FAM117B: variants seen among roughly 807,000 people sequenced by gnomAD.
FAM117B encodes the protein family with sequence similarity 117 member B, also known as protein FAM117B.
A neutral mutation model predicts 52.8 loss-of-function variants in FAM117B; 22 were observed. That is an observed-to-expected ratio of 0.42 (90% CI 0.30 to 0.59). FAM117B has a LOEUF of 0.59. Ranked by LOEUF, FAM117B falls within the 20% of genes least tolerant of loss-of-function variation. The pLI, the probability that FAM117B is intolerant of heterozygous loss-of-function variation, is 0.22. For missense variants in FAM117B, 678 were observed against 802.6 expected, an observed-to-expected ratio of 0.84 and a Z score of 1.88; for synonymous variants, 309 against 324.1, an observed-to-expected ratio of 0.95 and a Z score of 0.50.
At chr2:202,708,716 C>T (rs1383314774) in intron 2 of FAM117B, among the ~76,000 whole-genome samples, 1 of 152,194 alleles carries the variant, frequency 6.6e-6, no homozygotes, top group Admixed American at 6.5e-5. Context: ...AGTGATCCTC[C>T]TGCCTCAGCC....
In FAM117B at chr2:202,757,537, C is replaced by T. The variant is rs1352194355; in HGVS notation, c.1330+99C>T. On this transcript the variant is annotated intron_variant, in intron 6 of 7. Transcript: ENST00000392238. ...TCTAGCAGAACACACACACTCGAGGCTACTCAGTTAATGTGTTCAAAGCCT... is the reference window on the plus strand; with the variant it reads ...TCTAGCAGAACACACACACTCGAGGTTACTCAGTTAATGTGTTCAAAGCCT... The T allele has an allele frequency of 2.4e-6, 3 of 1,252,056 alleles. No individual in the cohort carries two copies. The South Asian group carries it at 4.3e-5, about 18-fold the overall frequency. 77.6% of individuals were successfully genotyped at this position (1,252,056 alleles called of 1,614,324 possible).
chr2:202,647,399 AAC>A (rs1287040200), intron 1 of FAM117B, among the ~76,000 whole-genome samples: 2 of 152,206 alleles, frequency 1.3e-5, no homozygotes, highest in African/African-American at 4.8e-5. Flanking sequence ...AACTGAAAAA[AAC>A]AGTTTATTTA....
At chr2:202,659,678 G>A (rs1327364841) in intron 1 of FAM117B, among the ~76,000 whole-genome samples, 1 of 140,148 alleles carries the variant, frequency 7.1e-6, no homozygotes, top group South Asian at 2.3e-4. Context: ...GCAATGGTGC[G>A]ATCTTGGCTC....
chr2:202,642,365 A>AT (rs1559092461), intron 1 of FAM117B, among the ~76,000 whole-genome samples: 1 of 148,544 alleles, frequency 6.7e-6, no homozygotes, highest in Non-Finnish European at 1.5e-5. Context: ...ATATATATAT[A>AT]AAATGAGTAG....
chr2:202,676,375 G>GT (rs71030983), intron 1 of FAM117B, among the ~76,000 whole-genome samples: 151 of 130,968 alleles, frequency 1.2e-3, no homozygotes, highest in South Asian at 8.9e-3. Flanking sequence ...AATATTCCTT[G>GT]TTTTTTTTTT....
intron 2 of FAM117B, among the ~76,000 whole-genome samples, chr2:202,723,869 T>C (rs1199926311): frequency 1.3e-5 from 2 of 152,108 alleles, no homozygotes; most frequent in Non-Finnish European, 2.9e-5. Flanking sequence ...GGCTGTATGC[T>C]CCCACTAACA....
At chr2:202,699,450 A>AAAAAAAAAAAAAAAAAAGAAAG (rs1690765501) in intron 2 of FAM117B, among the ~76,000 whole-genome samples, 1 of 77,672 alleles carries the variant, frequency 1.3e-5, no homozygotes, top group African/African-American at 7.3e-5. Context: ...AAAAAAAAAG[A>AAAAAAAAAAAAAAAAAAGAAAG]AAAAAAAAAA....
intron 2 of FAM117B, among the ~76,000 whole-genome samples, chr2:202,705,977 T>C (rs1690863807): frequency 6.6e-6 from 1 of 152,214 alleles, no homozygotes; most frequent in African/African-American, 2.4e-5. Flanking sequence ...GTGACCCACG[T>C]GATTGATGTC....
At chr2:202,757,095 G>C in intron 5 of FAM117B, 118 bp from the exon 6 acceptor site, 1 of 1,011,766 alleles carries the variant, frequency 9.9e-7, no homozygotes, top group Non-Finnish European at 1.4e-6. Context: ...CTAATAAGTA[G>C]GAAGGGATTT....
At chr2:202,644,130 A>G (rs1297893932) in intron 1 of FAM117B, among the ~76,000 whole-genome samples, 2 of 135,174 alleles carry the variant, frequency 1.5e-5, no homozygotes, top group Admixed American at 8.4e-5. Flanking sequence ...GAAAATGTAC[A>G]CTTAATTCTC....
chr2:202,678,613 G>T (rs1690413889), intron 1 of FAM117B, among the ~76,000 whole-genome samples: 1 of 152,182 alleles, frequency 6.6e-6, no homozygotes, highest in South Asian at 2.1e-4. Flanking sequence ...AGGCTGGAGT[G>T]CAATGGCGAG....
chr2:202,737,769 T>G (rs995543874), intron 4 of FAM117B, among the ~76,000 whole-genome samples: 2 of 152,020 alleles, frequency 1.3e-5, no homozygotes, highest in African/African-American at 4.8e-5. Flanking sequence ...GCCCAGCTAA[T>G]TTTTGTATTT....
At chr2:202,732,775 C>T (rs1691375305) in intron 4 of FAM117B, among the ~76,000 whole-genome samples, 1 of 151,554 alleles carries the variant, frequency 6.6e-6, no homozygotes, top group South Asian at 2.1e-4. Context: ...GAGCTGAGAT[C>T]GCACCACTGC....
intron 1 of FAM117B, among the ~76,000 whole-genome samples, chr2:202,680,304 G>C (rs1207741673): frequency 2.6e-5 from 4 of 152,086 alleles, no homozygotes; most frequent in African/African-American, 4.8e-5. Context: ...AGCATTAGGA[G>C]ATATACCTAA....
intron 4 of FAM117B, among the ~76,000 whole-genome samples, chr2:202,730,379 A>G (rs1388928838): frequency 6.6e-6 from 1 of 152,202 alleles, no homozygotes; most frequent in Non-Finnish European, 1.5e-5. Flanking sequence ...CTTTTAAAAT[A>G]TGATTTAAGG....
chr2:202,765,366 G>A, intron 7 of FAM117B, 80 bp from the exon 8 acceptor site: 3 of 1,321,902 alleles, frequency 2.3e-6, no homozygotes, highest in Admixed American at 4.6e-5. Context: ...AAATAAAAGA[G>A]CTTGTTTCCA....
At chr2:202,748,984 G>A (rs536027169) in intron 4 of FAM117B, among the ~76,000 whole-genome samples, 22 of 152,170 alleles carry the variant, frequency 1.4e-4, no homozygotes, top group African/African-American at 5.1e-4. Context: ...ATTTCATTGT[G>A]TATTCTACAA....
At chr2:202,635,912 G>C in intron 1 of FAM117B, 124 bp downstream of exon 1, 1 of 991,946 alleles carries the variant, frequency 1.0e-6, no homozygotes, top group South Asian at 4.4e-5. Flanking sequence ...GCGGGGCTGG[G>C]GGCGGTGCCG....
intron 2 of FAM117B, among the ~76,000 whole-genome samples, chr2:202,704,747 A>G (rs555974703): frequency 2.0e-5 from 3 of 151,888 alleles, no homozygotes; most frequent in Non-Finnish European, 4.4e-5. Flanking sequence ...GCCCACCACC[A>G]TGCCCGGCTA....
Sources: gnomAD v4.1 joint callset for allele counts (sites outside exome capture counted in the v4.1 genomes callset) on GRCh38, gnomAD v4.1.1 for gene constraint, MANE v1.5 for transcripts, NCBI Gene and HGNC (gene_info 2026-07-23, HGNC 2026-07-21) for gene names.